Variants in NOS1AP observed in about 807,000 individuals in gnomAD.
NOS1AP encodes carboxyl-terminal PDZ ligand of neuronal nitric oxide synthase protein.
Under a neutral mutation model 56.2 loss-of-function variants are expected in NOS1AP, and 21 were observed. The observed-to-expected ratio is 0.37, with a 90% confidence interval of 0.26 to 0.54. NOS1AP has a LOEUF of 0.54. Among genes scored for constraint, NOS1AP ranks in the 20% least tolerant of loss-of-function variants. The pLI is 0.84. For synonymous variants in NOS1AP, 270 were observed against 274.6 expected, an observed-to-expected ratio of 0.98 and a Z score of 0.17; for missense variants, 522 against 657.8, an observed-to-expected ratio of 0.79 and a Z score of 2.26.
chr1:162,182,287 G>A (rs1055592455), intron 2 of NOS1AP, among the ~76,000 whole-genome samples: 3 of 152,172 alleles, frequency 2.0e-5, no homozygotes, highest in Non-Finnish European at 2.9e-5. Flanking sequence ...CTGTCAAGTT[G>A]GTACAGGCAT....
At chr1:162,251,006 G>A (rs910454999) in intron 2 of NOS1AP, among the ~76,000 whole-genome samples, 2 of 152,136 alleles carry the variant, frequency 1.3e-5, no homozygotes, top group Non-Finnish European at 2.9e-5. Context: ...TGCCTTGCCT[G>A]TCATACTTCC....
At chr1:162,311,107 G>A (rs947339364) in intron 4 of NOS1AP, among the ~76,000 whole-genome samples, 2 of 151,862 alleles carry the variant, frequency 1.3e-5, no homozygotes, top group African/African-American at 4.8e-5. Context: ...CTTTGTCAGG[G>A]CCACCATCCT....
chr1:162,094,507 T>TA (rs981830826), intron 1 of NOS1AP, among the ~76,000 whole-genome samples: 19 of 152,194 alleles, frequency 1.2e-4, no homozygotes, highest in African/African-American at 3.9e-4. Context: ...TTGTTAGGGC[T>TA]AACCATAAAC....
At chr1:162,220,415 G>C (rs1159082756) in intron 2 of NOS1AP, among the ~76,000 whole-genome samples, 1 of 152,054 alleles carries the variant, frequency 6.6e-6, no homozygotes, top group East Asian at 1.9e-4. Flanking sequence ...ACAGTGTCTG[G>C]GGAACACAGG....
At chr1:162,299,670 T>C (rs925344060) in intron 3 of NOS1AP, among the ~76,000 whole-genome samples, 14 of 152,220 alleles carry the variant, frequency 9.2e-5, no homozygotes, top group Non-Finnish European at 2.1e-4. Context: ...AAACAGTGTT[T>C]GATATTGGAT....
chr1:162,295,446 C>G (rs1655426124), intron 3 of NOS1AP, among the ~76,000 whole-genome samples: 2 of 152,104 alleles, frequency 1.3e-5, no homozygotes, highest in African/African-American at 4.8e-5. Context: ...ATTTTTGAAG[C>G]CAACTTTGAT....
At chr1:162,110,314 T>C (rs1340268256) in intron 1 of NOS1AP, among the ~76,000 whole-genome samples, 1 of 151,710 alleles carries the variant, frequency 6.6e-6, no homozygotes, top group Non-Finnish European at 1.5e-5. Flanking sequence ...ACTTTTAACA[T>C]GCCCAAGGAA....
chr1:162,163,448 T>C (rs530071389), intron 2 of NOS1AP, among the ~76,000 whole-genome samples: 3 of 152,330 alleles, frequency 2.0e-5, no homozygotes, highest in Non-Finnish European at 4.4e-5. Context: ...ACTTCCCTTT[T>C]TGAGCCAATA....
intron 2 of NOS1AP, among the ~76,000 whole-genome samples, chr1:162,214,082 G>A (rs1652459607): frequency 1.3e-5 from 2 of 152,198 alleles, no homozygotes; most frequent in South Asian, 4.2e-4. Flanking sequence ...CAGGCCATGT[G>A]CACATGAAAC....
chr1:162,242,036 A>G (rs1464934829), intron 2 of NOS1AP, among the ~76,000 whole-genome samples: 4 of 152,234 alleles, frequency 2.6e-5, no homozygotes, highest in Admixed American at 2.0e-4. Flanking sequence ...AAATAGATCT[A>G]GAAGTTTCCT....
At chr1:162,306,676 C>T (rs1655840392) in intron 4 of NOS1AP, among the ~76,000 whole-genome samples, 1 of 152,212 alleles carries the variant, frequency 6.6e-6, no homozygotes, top group African/African-American at 2.4e-5. Context: ...GTGGCTCACA[C>T]CTATAATCTC....
intron 1 of NOS1AP, among the ~76,000 whole-genome samples, chr1:162,081,776 T>A (rs867442066): frequency 3.9e-4 from 12 of 30,636 alleles, no homozygotes; most frequent in African/African-American, 6.1e-4. Context: ...ATATATATAT[T>A]TTTTTTTTGT....
intron 2 of NOS1AP, among the ~76,000 whole-genome samples, chr1:162,204,143 A>G (rs1036941385): frequency 2.6e-5 from 4 of 152,152 alleles, no homozygotes; most frequent in Admixed American, 6.5e-5. Flanking sequence ...GGACAATACA[A>G]ACTCCTTTAC....
chr1:162,201,084 G>A (rs765822840), intron 2 of NOS1AP, among the ~76,000 whole-genome samples: 3 of 152,020 alleles, frequency 2.0e-5, no homozygotes, highest in Non-Finnish European at 2.9e-5. Flanking sequence ...ATAAACCCCA[G>A]TTTGTTTTGT....
At chr1:162,350,296 T>C (rs1298926833) in intron 6 of NOS1AP, among the ~76,000 whole-genome samples, 3 of 152,266 alleles carry the variant, frequency 2.0e-5, no homozygotes, top group African/African-American at 7.2e-5. Context: ...TCAGCAGTGC[T>C]TTCAATGATG....
chr1:162,368,114 C>T lies in NOS1AP; in HGVS notation c.*647C>T, dbSNP rs1248533428. 2.0e-5 allele frequency: 3 copies of T among 152,614 alleles called. No individual in the cohort carries two copies. Among genetic ancestry groups the T allele is most frequent in the Admixed American group, 6.5e-5 (1 of 15,294 alleles). 9.5% of individuals were successfully genotyped at this position (152,614 alleles called of 1,614,324 possible). A position where few individuals can be genotyped will look rare whatever the true frequency, so the allele number is the denominator to read the frequency against. ...AATCCAAACATTTTCTCCAGCCGGA[C>T]ATTGAATGTTGCTACAAAGGGAGCC... is the stretch of plus-strand genomic sequence containing the variant. On this transcript the variant is annotated 3_prime_UTR_variant, in exon 10 of 10. Coordinates refer to ENST00000361897, the MANE Select transcript of NOS1AP (RefSeq NM_014697.3).
intron 2 of NOS1AP, among the ~76,000 whole-genome samples, chr1:162,231,220 A>G (rs1653114720): frequency 6.6e-6 from 1 of 152,162 alleles, no homozygotes; most frequent in African/African-American, 2.4e-5. Flanking sequence ...TTTGATTTAT[A>G]TTTCCCTAAT....
chr1:162,212,881 A>T (rs1402128914), intron 2 of NOS1AP, among the ~76,000 whole-genome samples: 1 of 151,936 alleles, frequency 6.6e-6, no homozygotes, highest in Non-Finnish European at 1.5e-5. Flanking sequence ...TGCCCCCGGC[A>T]CACGGCGGAC....
chr1:162,339,433 A>C (rs1657038101), intron 5 of NOS1AP, among the ~76,000 whole-genome samples: 1 of 151,820 alleles, frequency 6.6e-6, no homozygotes, highest in African/African-American at 2.4e-5. Context: ...AATTCCAGAG[A>C]ATGGCCAGAT....
Sources: gnomAD v4.1 joint callset for allele counts (sites outside exome capture counted in the v4.1 genomes callset) on GRCh38, gnomAD v4.1.1 for gene constraint, MANE v1.5 for transcripts, NCBI Gene and HGNC (gene_info 2026-07-23, HGNC 2026-07-21) for gene names.